Variants in TRAF7 observed in about 807,000 individuals in gnomAD.
TRAF7 encodes the protein TNF receptor associated factor 7, also known as E3 ubiquitin-protein ligase TRAF7.
Under a neutral mutation model 89.3 loss-of-function variants are expected in TRAF7, and 45 were observed. That is an observed-to-expected ratio of 0.50 (90% confidence interval 0.40 to 0.65). The LOEUF is 0.65. TRAF7 is among the 30% of genes least tolerant of loss of function. The probability of loss-of-function intolerance (pLI) is 0.00; values close to 1 mark genes in which losing one functional copy is unlikely to be tolerated. For synonymous variants in TRAF7, 406 were observed against 369.2 expected (o/e 1.10, Z -1.14); for missense variants, 677 against 918.1 (o/e 0.74, Z 3.39).
chr16:2,172,293 G>A lies in TRAF7; in HGVS notation c.578G>A (p.Arg193Gln), dbSNP rs751408271. 4.3e-6 allele frequency: 7 copies of A among 1,612,838 alleles called. 1 individual carries two copies. The highest frequency in any genetic ancestry group is 2.2e-5 in the East Asian group (1 of 44,874). Residue 193 changes from arginine (R) to glutamine (Q), a missense_variant, in exon 8 of 21, where the codon CGG becomes CAG. By Grantham distance (43) the Arg-to-Gln change is conservative. Around this residue, in one of 6 missense-constraint regions of TRAF7, gnomAD observed 238 missense variants for 352.6 expected, o/e 0.67. Coordinates refer to ENST00000326181, the MANE Select transcript of TRAF7 (RefSeq NM_032271.3). Reference sequence around the variant, plus strand: ...TTCATCCACTGCCGGCACGGCTGCCGGGTAGCGGGCAGCGGGAAGCCCCCC... The same window carrying A: ...TTCATCCACTGCCGGCACGGCTGCCAGGTAGCGGGCAGCGGGAAGCCCCCC... Reference protein sequence around the residue: ...ELFIHCRHGCRVAGSGKPPIF... With the variant: ...ELFIHCRHGCQVAGSGKPPIF...
rs1377620812 is a variant in TRAF7, at chr16:2,176,642, A to C, written c.*68A>C. 1 of 1,611,432 alleles carries C rather than the reference A, an allele frequency of 6.2e-7. No individual in the cohort carries two copies. Among genetic ancestry groups the C allele is most frequent in the Non-Finnish European group, 8.5e-7 (1 of 1,179,084 alleles). ...GACCTTTCTGAGCCAGGCTGGCCACATGGGGTGGTCTCGGGGTTTCTGCCT... is the reference window on the plus strand; with the variant it reads ...GACCTTTCTGAGCCAGGCTGGCCACCTGGGGTGGTCTCGGGGTTTCTGCCT... On this transcript the variant is annotated 3_prime_UTR_variant, in exon 21 of 21. Coordinates refer to ENST00000326181, the MANE Select transcript of TRAF7 (RefSeq NM_032271.3).
At position 2,163,940 on chromosome 16, in the gene TRAF7, C is replaced by T. The variant is rs1275827180; in HGVS notation, c.20C>T (p.Ala7Val). ...TAGAGCATGAGCTCAGGCAAGAGTG[C>T]CCGCTACAACCGCTTCTCCGGGGGG... MSSGKS[A>V]RYNRFSGGPS... The change falls in exon 2 of 21, where the codon GCC becomes GTC. Residue 7 changes from alanine (A) to valine (V), a missense_variant. Ala to Val is a moderately conservative substitution (Grantham distance 64). Around this residue, in one of 6 missense-constraint regions of TRAF7, gnomAD observed 240 missense variants for 191.9 expected, o/e 1.25. Coordinates refer to ENST00000326181, the MANE Select transcript of TRAF7 (RefSeq NM_032271.3). This position sits in a 1 kb window ranked among gnomAD's most constrained non-coding sequence, Gnocchi z 4.3. 1.2e-6 allele frequency: 2 copies of T among 1,612,768 alleles called. No homozygotes were observed. The highest frequency in any genetic ancestry group is 1.7e-6 in the Non-Finnish European group (2 of 1,179,764).
chr16:2,165,248 G>A (rs1221400344), intron 2 of TRAF7, among the ~76,000 whole-genome samples: 6 of 118,364 alleles, frequency 5.1e-5, no homozygotes, highest in East Asian at 2.6e-4. Flanking sequence ...GCTACGTGGC[G>A]CGGCCTGGTC....
At chr16:2,170,791 G>A (rs532135957) in intron 5 of TRAF7, 61 bp downstream of exon 5, 5 of 1,482,398 alleles carry the variant, frequency 3.4e-6, no homozygotes, top group Admixed American at 1.9e-5. Flanking sequence ...CCGTGGCACG[G>A]AGGCACCTTC....
intron 3 of TRAF7, among the ~76,000 whole-genome samples, chr16:2,167,395 C>T (rs370308757): frequency 3.3e-5 from 5 of 152,256 alleles, no homozygotes; most frequent in African/African-American, 1.2e-4. Context: ...CGGGAGGTGT[C>T]TCTCTCTGCC....
At chr16:2,164,159 T>TGCGCGCGCGCGCGC (rs61245743) in intron 2 of TRAF7, among the ~76,000 whole-genome samples, 158 bp downstream of exon 2, 1 of 126,076 alleles carries the variant, frequency 7.9e-6, no homozygotes, top group Non-Finnish European at 1.7e-5. Flanking sequence ...TGTGTGTGTG[T>TGCGCGCGCGCGCGC]GCGCGCGCGC....
intron 5 of TRAF7, 29 bp from the exon 6 acceptor site, chr16:2,171,235 C>T (rs2141285395): frequency 3.3e-6 from 5 of 1,530,072 alleles, no homozygotes; most frequent in South Asian, 2.4e-5. Context: ...GGCCTCCCGC[C>T]ATCGCCTGCC....
intron 2 of TRAF7, 52 bp from the exon 3 acceptor site, chr16:2,165,827 C>T (rs183078583): frequency 1.5e-4 from 242 of 1,608,902 alleles, no homozygotes; most frequent in African/African-American, 1.5e-3. Context: ...CACATGTGCA[C>T]GTCCTCCTTG....
Position 2,161,963 on chromosome 16 carries a change from C to T in TRAF7, c.-38-1920C>T, listed in dbSNP as rs1437086204. Among the ~76,000 whole-genome samples the T allele has an allele frequency of 1.3e-5, 2 of 152,198 alleles. No homozygotes were observed. Among genetic ancestry groups the T allele is most frequent in the East Asian group, 3.9e-4 (2 of 5,182 alleles). ...TGCCCACACTCAGGAGCCCCTGCCT[C>T]TTCCACAAGAGAAGTCCCCCGAGAG... On this transcript the variant is annotated intron_variant, in intron 1 of 20. Transcript: ENST00000326181. The surrounding 1 kb of genome is among the most constrained non-coding windows in gnomAD (Gnocchi z 5.2).
intron 3 of TRAF7, 136 bp downstream of exon 3, chr16:2,166,072 G>C (rs8062006): frequency 0.34 from 342,824 of 1,023,010 alleles, 67,372 homozygotes; most frequent in African/African-American, 0.79. Flanking sequence ...GCCTCACACC[G>C]CAGCCTGTGT....
At position 2,175,234 on chromosome 16, in the gene TRAF7, C is replaced by T. The variant is rs1023492218; in HGVS notation, c.1387-67C>T. The T allele has an allele frequency of 2.9e-5, 47 of 1,611,968 alleles. No individual in the cohort carries two copies. In the African/African-American group the frequency reaches 2.9e-4, roughly 10 times the overall value. Reference sequence around the variant, plus strand: ...GGTGCCCCAGGGACGTGTTTCTCCCCGTCTGGGCTCCAGACTCCAGGTGGC... The same window carrying T: ...GGTGCCCCAGGGACGTGTTTCTCCCTGTCTGGGCTCCAGACTCCAGGTGGC... On this transcript the variant is annotated intron_variant, in intron 15 of 20. Transcript: ENST00000326181.
rs1413665312 is a variant in TRAF7 at position 2,158,833 on chromosome 16, C to G, written c.-39+2975C>G. On this transcript the variant is annotated intron_variant, in intron 1 of 20. Coordinates refer to ENST00000326181, the MANE Select transcript of TRAF7 (RefSeq NM_032271.3). The surrounding 1 kb of genome is among the most constrained non-coding windows in gnomAD (Gnocchi z 4.7). ...AAGCTCACGACCTGTTTCTGAGAGT[C>G]TGAGGCCCACTTGACTTGGGTGAGA... Among the ~76,000 whole-genome samples the G allele has an allele frequency of 6.6e-6, 1 of 150,724 alleles. No homozygotes were observed. Among genetic ancestry groups the G allele is most frequent in the Non-Finnish European group, 1.5e-5 (1 of 67,838 alleles).
At chr16:2,171,664 G>T in intron 7 of TRAF7, 59 bp downstream of exon 7, 1 of 1,611,530 alleles carries the variant, frequency 6.2e-7, no homozygotes, top group Non-Finnish European at 8.5e-7. Flanking sequence ...GCCGAGCAGA[G>T]GCGGGCGGCT....
At position 2,158,527 on chromosome 16, in the gene TRAF7, G is replaced by A. The variant is rs867976011; in HGVS notation, c.-39+2669G>A. ...ACGCAGAGGGCCAGGACTGAGGGCCGTGGGACGGTGTGGGAAAGGAGGTGG... is the reference window on the plus strand; with the variant it reads ...ACGCAGAGGGCCAGGACTGAGGGCCATGGGACGGTGTGGGAAAGGAGGTGG... On this transcript the variant is annotated intron_variant, in intron 1 of 20. Transcript: ENST00000326181. The surrounding 1 kb of genome is among the most constrained non-coding windows in gnomAD (Gnocchi z 4.7). Among the ~76,000 whole-genome samples the A allele has an allele frequency of 1.3e-5, 2 of 152,226 alleles. No homozygotes were observed. The highest frequency in any genetic ancestry group is 6.5e-5 in the Admixed American group (1 of 15,288).
rs1016166343 is a variant in TRAF7, at chr16:2,177,541, G to A, written c.*967G>A. ...GAGGAGAGAGGAAAAGGGAGGGCGA[G>A]AATGACCACACAACACAGCCTTGGA... On this transcript the variant is annotated 3_prime_UTR_variant, in exon 21 of 21. Transcript: ENST00000326181. 1.3e-5 allele frequency: 3 copies of A among 234,316 alleles called. No homozygotes were observed. The highest frequency in any genetic ancestry group is 1.7e-5 in the Non-Finnish European group (2 of 118,802). The allele number at this position is 234,316 out of a possible 1,614,324, so 14.5% of individuals were successfully genotyped here.
In TRAF7 at chr16:2,157,939, C is replaced by T. The variant is rs62038841; in HGVS notation, c.-39+2081C>T. On this transcript the variant is annotated intron_variant, in intron 1 of 20. Transcript: ENST00000326181. Reference sequence around the variant, plus strand: ...CTGTCTGGGGTGCCTTCACTCTTGACGGATCCATCTTCTCTCGGCTCCTTC... The same window carrying T: ...CTGTCTGGGGTGCCTTCACTCTTGATGGATCCATCTTCTCTCGGCTCCTTC... 2.5e-3 allele frequency among the ~76,000 whole-genome samples: 386 copies of T among 152,302 alleles called. 1 individual carries two copies. Among genetic ancestry groups the T allele is most frequent in the Non-Finnish European group, 4.6e-3 (310 of 68,010 alleles).
chr16:2,173,405 G>A lies in TRAF7; in HGVS notation c.1012+6G>A. 1 of 1,612,948 alleles carries A rather than the reference G, an allele frequency of 6.2e-7. No individual in the cohort carries two copies. The highest frequency in any genetic ancestry group is 8.5e-7 in the Non-Finnish European group (1 of 1,179,564). On this transcript the variant is annotated splice_donor_region_variant and intron_variant, in intron 10 of 20. Coordinates refer to ENST00000326181, the MANE Select transcript of TRAF7 (RefSeq NM_032271.3). ...GAGCCTGGAGCTCAAGTTTGGTGAG[G>A]GTGGGCACCGGGGCAGGCAGGGGCC...
intron 4 of TRAF7, 123 bp from the exon 5 acceptor site, chr16:2,170,491 G>A (rs1596675387): frequency 7.2e-6 from 5 of 692,190 alleles, no homozygotes; most frequent in Middle Eastern, 3.9e-4. Flanking sequence ...GAGAGTACCC[G>A]CAGGGACCGG....
Position 2,172,291 on chromosome 16 carries a change from C to G in TRAF7, c.576C>G (p.Cys192Trp). The change falls in exon 8 of 21, where the codon TGC (cysteine) becomes TGG (tryptophan). Residue 192 changes from cysteine to tryptophan, a missense_variant. Cys to Trp is a radical substitution (Grantham distance 215). Around this residue, in one of 6 missense-constraint regions of TRAF7, gnomAD observed 238 missense variants for 352.6 expected, o/e 0.67. Coordinates refer to ENST00000326181, the MANE Select transcript of TRAF7 (RefSeq NM_032271.3). ...GELFIHCRHG[C>W]RVAGSGKPPI... ...TCTTCATCCACTGCCGGCACGGCTG[C>G]CGGGTAGCGGGCAGCGGGAAGCCCC... is the stretch of plus-strand genomic sequence containing the variant. The G allele has an allele frequency of 6.2e-7, 1 of 1,612,882 alleles. No individual in the cohort carries two copies. Among genetic ancestry groups the G allele is most frequent in the Non-Finnish European group, 8.5e-7 (1 of 1,179,986 alleles).
Sources: allele counts gnomAD v4.1 joint callset (sites outside exome capture counted in the v4.1 genomes callset), GRCh38; gene constraint gnomAD v4.1.1; regional missense constraint gnomAD v4.1.1; non-coding constraint Gnocchi (gnomAD v3.1); transcripts MANE v1.5; gene names NCBI Gene and HGNC (gene_info 2026-07-23, HGNC 2026-07-21).